Variants in EBF1 observed in about 807,000 individuals in gnomAD.
EBF1 encodes the protein EBF transcription factor 1, also known as transcription factor COE1.
Under a neutral mutation model 68.4 loss-of-function variants are expected in EBF1, and 10 were observed. That is an observed-to-expected ratio of 0.15 (90% CI 0.09 to 0.25). EBF1 has a LOEUF of 0.25. Among genes scored for constraint, EBF1 ranks in the 10% least tolerant of loss-of-function variants. EBF1 has a pLI of 1.00. For synonymous variants in EBF1, 298 were observed against 299.8 expected, an observed-to-expected ratio of 0.99 and a Z score of 0.06; for missense variants, 509 against 794.4, an observed-to-expected ratio of 0.64 and a Z score of 4.32.
At chr5:158,925,146 C>T (rs926072528) in intron 6 of EBF1, among the ~76,000 whole-genome samples, 3 of 152,166 alleles carry the variant, frequency 2.0e-5, no homozygotes, top group East Asian at 1.9e-4. Flanking sequence ...CCAGCTGGGT[C>T]GCCTTTCTGG....
At chr5:158,829,952 A>G (rs1403994180) in intron 7 of EBF1, among the ~76,000 whole-genome samples, 1 of 152,250 alleles carries the variant, frequency 6.6e-6, no homozygotes, top group Non-Finnish European at 1.5e-5. Flanking sequence ...AACTCTGGTT[A>G]TCTCATCTAC....
intron 10 of EBF1, among the ~76,000 whole-genome samples, chr5:158,743,775 T>C (rs1766954471): frequency 6.6e-6 from 1 of 152,034 alleles, no homozygotes; most frequent in Admixed American, 6.6e-5. Flanking sequence ...AAGAAAACTA[T>C]ATACAGGAGG....
intron 6 of EBF1, among the ~76,000 whole-genome samples, chr5:158,902,621 CATTATT>C (rs932220886): frequency 1.4e-5 from 2 of 138,508 alleles, no homozygotes; most frequent in East Asian, 2.0e-4. Flanking sequence ...TTATTATTAT[CATTATT>C]ATTATTATTA....
intron 6 of EBF1, among the ~76,000 whole-genome samples, chr5:158,992,317 C>G (rs1760501091): frequency 6.6e-6 from 1 of 151,294 alleles, no homozygotes; most frequent in Non-Finnish European, 1.5e-5. Flanking sequence ...CAATGGCTTT[C>G]CCTAATGATT....
At chr5:159,087,159 T>C (rs1396749424) in intron 4 of EBF1, among the ~76,000 whole-genome samples, 2 of 151,642 alleles carry the variant, frequency 1.3e-5, no homozygotes, top group African/African-American at 4.8e-5. Context: ...GATGTTTTGG[T>C]TCCACCACTC....
In EBF1 at chr5:158,712,174, G is replaced by C. The variant is rs1311955419; in HGVS notation, c.1529C>G (p.Ala510Gly). 4 of 1,613,752 alleles carry C rather than the reference G, an allele frequency of 2.5e-6. No homozygotes were observed. The highest frequency in any genetic ancestry group is 2.5e-6 in the Non-Finnish European group (3 of 1,179,922). The change falls in exon 14 of 16, where the codon GCT becomes GGT. Residue 510 changes from alanine to glycine, a missense_variant. Physicochemically the swap from Ala to Gly is moderately conservative, Grantham distance 60. Coordinates refer to ENST00000313708, the MANE Select transcript of EBF1 (RefSeq NM_024007.5). ...CTTACTGGCATAGGGGGAGTTGGCA[G>C]CTGAGCCGTTGAGGAAGGTGGGGGA... is the stretch of plus-strand genomic sequence containing the variant. ...GGSPTFLNGSAANSPYAIVPS... is the reference protein window; with the variant it reads ...GGSPTFLNGSGANSPYAIVPS...
At chr5:159,039,034 A>G (rs1022244858) in intron 6 of EBF1, among the ~76,000 whole-genome samples, 1 of 152,210 alleles carries the variant, frequency 6.6e-6, no homozygotes, top group Non-Finnish European at 1.5e-5. Flanking sequence ...TAACAGCCAA[A>G]AGAGTCCTTT....
intron 14 of EBF1, among the ~76,000 whole-genome samples, chr5:158,708,987 G>A (rs1758535353): frequency 6.6e-6 from 1 of 152,202 alleles, no homozygotes. Context: ...AAACCTAGCA[G>A]CTTGGGGATA....
intron 6 of EBF1, among the ~76,000 whole-genome samples, chr5:159,051,430 G>GC (rs1554121880): frequency 5.0e-5 from 4 of 80,526 alleles, no homozygotes; most frequent in African/African-American, 1.4e-4. Context: ...CGCTCCCGCA[G>GC]CCCCCCACCC....
At chr5:159,045,244 A>C (rs573171683) in intron 6 of EBF1, among the ~76,000 whole-genome samples, 1 of 152,208 alleles carries the variant, frequency 6.6e-6, no homozygotes, top group South Asian at 2.1e-4. Flanking sequence ...TGTGGAGAAG[A>C]ATCAGAGATC....
At chr5:158,872,969 A>G (rs1302915898) in intron 6 of EBF1, among the ~76,000 whole-genome samples, 1 of 144,608 alleles carries the variant, frequency 6.9e-6, no homozygotes, top group Admixed American at 7.0e-5. Context: ...ACCTTTGTCC[A>G]GGGCTCTTCA....
At chr5:158,822,267 CGGAT>C (rs958054113) in intron 8 of EBF1, among the ~76,000 whole-genome samples, 322 of 57,068 alleles carry the variant, frequency 5.6e-3, no homozygotes, top group South Asian at 0.014. Context: ...GACGGATGGA[CGGAT>C]GGATGGATGG....
chr5:159,058,244 G>A lies in EBF1; in HGVS notation c.554+15152C>T, dbSNP rs114590553. On this transcript the variant is annotated intron_variant, in intron 6 of 15. Transcript: ENST00000313708. Reference sequence around the variant, plus strand: ...AAAAGAATATCTAAACCTGGAGGAGGGGGATGTAGGAGGGAGAATGAGTAA... The same window carrying A: ...AAAAGAATATCTAAACCTGGAGGAGAGGGATGTAGGAGGGAGAATGAGTAA... 5.5e-3 allele frequency among the ~76,000 whole-genome samples: 844 copies of A among 152,344 alleles called. 18 individuals carry two copies. The highest frequency in any genetic ancestry group is 0.02 in the African/African-American group (823 of 41,574).
At chr5:158,874,983 AT>A (rs1797544308) in intron 6 of EBF1, among the ~76,000 whole-genome samples, 1 of 151,862 alleles carries the variant, frequency 6.6e-6, no homozygotes, top group African/African-American at 2.4e-5. Context: ...TAGCATGAAT[AT>A]TTTATGAAGG....
intron 6 of EBF1, among the ~76,000 whole-genome samples, chr5:158,844,430 C>T (rs902248720): frequency 3.9e-5 from 6 of 152,106 alleles, no homozygotes; most frequent in Non-Finnish European, 7.4e-5. Flanking sequence ...AGGGATTTAT[C>T]TACAGTCAAC....
intron 6 of EBF1, among the ~76,000 whole-genome samples, chr5:159,034,373 G>A (rs571659123): frequency 6.6e-6 from 1 of 152,218 alleles, no homozygotes; most frequent in African/African-American, 2.4e-5. Context: ...GAATTATTCA[G>A]CCCAATGGCT....
chr5:158,920,406 A>G (rs1808153527), intron 6 of EBF1, among the ~76,000 whole-genome samples: 1 of 152,182 alleles, frequency 6.6e-6, no homozygotes, highest in African/African-American at 2.4e-5. Context: ...GGTGAACCAG[A>G]ATCTGAAACT....
At chr5:158,760,500 T>C (rs1771177581) in intron 10 of EBF1, among the ~76,000 whole-genome samples, 1 of 152,196 alleles carries the variant, frequency 6.6e-6, no homozygotes, top group South Asian at 2.1e-4. Context: ...CAATGTGTTA[T>C]TAAGACCAGG....
chr5:159,034,842 G>A (rs374152509), intron 6 of EBF1, among the ~76,000 whole-genome samples: 1 of 152,090 alleles, frequency 6.6e-6, no homozygotes, highest in Non-Finnish European at 1.5e-5. Context: ...CAAGAGCAAG[G>A]CACAAGATCC....
Sources: gnomAD v4.1 joint callset for allele counts (sites outside exome capture counted in the v4.1 genomes callset) on GRCh38, gnomAD v4.1.1 for gene constraint, MANE v1.5 for transcripts, NCBI Gene and HGNC (gene_info 2026-07-23, HGNC 2026-07-21) for gene names.